MGAT3: variants seen among roughly 807,000 people sequenced by gnomAD.
MGAT3 encodes beta-1,4-mannosyl-glycoprotein 4-beta-N-acetylglucosaminyltransferase.
MGAT3 carries 9 observed loss-of-function variants against 29.8 expected under a neutral mutation model. That is an observed-to-expected ratio of 0.30 (90% CI 0.18 to 0.53). The LOEUF (loss-of-function observed/expected upper bound fraction) is 0.53. MGAT3 is among the 20% of genes least tolerant of loss of function. MGAT3 has a pLI of 0.96. For synonymous variants in MGAT3, 397 were observed against 348.9 expected, an observed-to-expected ratio of 1.14 and a Z score of -1.54; for missense variants, 557 against 769.5, an observed-to-expected ratio of 0.72 and a Z score of 3.27.
intron 1 of MGAT3, among the ~76,000 whole-genome samples, chr22:39,483,199 A>G (rs944872190): frequency 6.6e-6 from 1 of 152,320 alleles, no homozygotes. Flanking sequence ...AAGTACAGAA[A>G]AATAGCCCAC....
At chr22:39,474,459 G>T (rs976900718) in intron 1 of MGAT3, among the ~76,000 whole-genome samples, 2 of 152,220 alleles carry the variant, frequency 1.3e-5, no homozygotes, top group Non-Finnish European at 2.9e-5. Context: ...CTTGCCAGCT[G>T]CGAGTTTGAG....
chr22:39,465,467 G>A (rs1014237691), intron 1 of MGAT3, among the ~76,000 whole-genome samples: 3 of 152,188 alleles, frequency 2.0e-5, no homozygotes, highest in South Asian at 2.1e-4. Flanking sequence ...GGCATTCAGT[G>A]AAACCATGTG....
chr22:39,461,160 A>G (rs1928486965), intron 1 of MGAT3, among the ~76,000 whole-genome samples: 2 of 152,164 alleles, frequency 1.3e-5, no homozygotes, highest in Admixed American at 6.5e-5. Context: ...ATGGCCTAAC[A>G]AGAGTGTCAT....
rs1929360593 is a variant in MGAT3 at position 39,488,634 on chromosome 22, C to T, written c.1287C>T (p.Tyr429=). ...GGTGCTTCACGCCCGAGGGCATCTACTTCAAGCTCGTGTCCGCCCAGAATG... is the reference window on the plus strand; with the variant it reads ...GGTGCTTCACGCCCGAGGGCATCTATTTCAAGCTCGTGTCCGCCCAGAATG... ...CSWCFTPEGI[Y]FKLVSAQNGD... Residue 429 remains tyrosine (Y), a synonymous_variant, in exon 2 of 2, where the codon TAC becomes TAT. Transcript: ENST00000341184. The T allele has an allele frequency of 6.2e-7, 1 of 1,613,596 alleles. No homozygotes were observed. Among genetic ancestry groups the T allele is most frequent in the Non-Finnish European group, 8.5e-7 (1 of 1,180,014 alleles).
At chr22:39,465,044 C>G (rs1423999034) in intron 1 of MGAT3, among the ~76,000 whole-genome samples, 1 of 152,178 alleles carries the variant, frequency 6.6e-6, no homozygotes, top group Non-Finnish European at 1.5e-5. Context: ...CATGAGCCAC[C>G]ACGCCCGGCC....
At chr22:39,468,946 G>T (rs1347404924) in intron 1 of MGAT3, among the ~76,000 whole-genome samples, 1 of 152,006 alleles carries the variant, frequency 6.6e-6, no homozygotes, top group Non-Finnish European at 1.5e-5. Context: ...ACTTTCTCCT[G>T]AGGGCAGCGG....
chr22:39,467,640 T>TTCTTC (rs1034918428), intron 1 of MGAT3, among the ~76,000 whole-genome samples: 5 of 151,904 alleles, frequency 3.3e-5, no homozygotes, highest in African/African-American at 1.2e-4. Context: ...GCTTCCTTCT[T>TTCTTC]TTTTCTTTTC....
chr22:39,471,911 C>A (rs1928822128), intron 1 of MGAT3, among the ~76,000 whole-genome samples: 1 of 152,152 alleles, frequency 6.6e-6, no homozygotes, highest in Non-Finnish European at 1.5e-5. Context: ...AACTCCTGAG[C>A]AGGCTGGGCT....
intron 1 of MGAT3, among the ~76,000 whole-genome samples, chr22:39,466,063 G>A (rs1928637138): frequency 6.6e-6 from 1 of 152,224 alleles, no homozygotes; most frequent in Non-Finnish European, 1.5e-5. Flanking sequence ...TGCGAGGAAG[G>A]CCCAGTCAGA....
intron 1 of MGAT3, among the ~76,000 whole-genome samples, chr22:39,459,222 C>T: frequency 6.6e-6 from 1 of 152,062 alleles, no homozygotes. Context: ...CACAGGTGCC[C>T]GACACCACAC....
chr22:39,482,358 C>A (rs1929151567), intron 1 of MGAT3, among the ~76,000 whole-genome samples: 1 of 152,164 alleles, frequency 6.6e-6, no homozygotes, highest in African/African-American at 2.4e-5. Context: ...TGGCTTTAGC[C>A]CACAGCTGGG....
chr22:39,466,750 G>A (rs147034326), intron 1 of MGAT3, among the ~76,000 whole-genome samples: 1 of 152,352 alleles, frequency 6.6e-6, no homozygotes, highest in Non-Finnish European at 1.5e-5. Context: ...CCTGTTGGCT[G>A]ATGTTGTTAC....
In MGAT3 at chr22:39,487,936, G is replaced by A; in HGVS notation, c.589G>A (p.Glu197Lys). 6.2e-7 allele frequency: 1 copy of A among 1,609,224 alleles called. No individual in the cohort carries two copies. Among genetic ancestry groups the A allele is most frequent in the Non-Finnish European group, 8.5e-7 (1 of 1,178,528 alleles). ...GCAGTACTCCAACCTGCCCACCAAG[G>A]AGCGGCTGGTGCCCAGGGAGGTGCC... ...VVQYSNLPTK[E>K]RLVPREVPRR... The change falls in exon 2 of 2, where the codon GAG (glutamate) becomes AAG (lysine). Residue 197 changes from glutamate (E) to lysine (K), a missense_variant. Physicochemically the swap from Glu to Lys is moderately conservative, Grantham distance 56 (BLOSUM62 1). Coordinates refer to ENST00000341184, the MANE Select transcript of MGAT3 (RefSeq NM_002409.5). The surrounding 1 kb of genome is among the most constrained non-coding windows in gnomAD (Gnocchi z 5.7).
chr22:39,485,810 AAC>A lies in MGAT3; in HGVS notation c.-1-1531_-1-1530del, dbSNP rs1462080767. On this transcript the variant is annotated intron_variant, in intron 1 of 1. Transcript: ENST00000341184. ...TCTTAAAAACAAACAAACAAACAAA[AAC>A]ACACAAAAAAAATTTAAATTGGAGA... Among the ~76,000 whole-genome samples the A allele has an allele frequency of 5.3e-5, 8 of 152,202 alleles. No individual in the cohort carries two copies. In the East Asian group the frequency reaches 1.2e-3, roughly 22 times the overall value.
At chr22:39,464,803 T>G (rs945737504) in intron 1 of MGAT3, among the ~76,000 whole-genome samples, 3 of 151,756 alleles carry the variant, frequency 2.0e-5, no homozygotes, top group Non-Finnish European at 2.9e-5. Flanking sequence ...CAGGCTGGAG[T>G]GCAGTGGCAT....
chr22:39,470,936 C>A lies in MGAT3; in HGVS notation c.-2+13379C>A, dbSNP rs537378161. On this transcript the variant is annotated intron_variant, in intron 1 of 1. Coordinates refer to ENST00000341184, the MANE Select transcript of MGAT3 (RefSeq NM_002409.5). The stretch of plus-strand genomic sequence containing the variant: ...AGCTATGGCCCCAAAGCAGCCCTCG[C>A]CCCACGCTGACTCCTGAGAGATTGG... 9.8e-5 allele frequency among the ~76,000 whole-genome samples: 15 copies of A among 152,320 alleles called. 1 individual carries two copies. In the South Asian group the frequency reaches 3.1e-3, roughly 32 times the overall value.
At chr22:39,485,711 C>G (rs1246596621) in intron 1 of MGAT3, among the ~76,000 whole-genome samples, 1 of 152,076 alleles carries the variant, frequency 6.6e-6, no homozygotes. Flanking sequence ...ATTCCTTGAA[C>G]CTGGGAGGCA....
chr22:39,465,913 C>T lies in MGAT3; in HGVS notation c.-2+8356C>T, dbSNP rs1462625792. 8.4e-5 allele frequency among the ~76,000 whole-genome samples: 12 copies of T among 143,142 alleles called. No individual in the cohort carries two copies. The Admixed American group carries it at 8.7e-4, about 10-fold the overall frequency. The allele number at this position is 143,142 out of a possible 152,430, so 93.9% of individuals were successfully genotyped here. ...TGCCACTGCACTCCAACCTGGGTGA[C>T]AGAGTGAGACTCCGTCTTAAAAAAA... On this transcript the variant is annotated intron_variant, in intron 1 of 1. Coordinates refer to ENST00000341184, the MANE Select transcript of MGAT3 (RefSeq NM_002409.5).
In MGAT3 at chr22:39,488,012, A is replaced by G. The variant is rs771902746; in HGVS notation, c.665A>G (p.Asp222Gly). Residue 222 changes from aspartate to glycine, a missense_variant, in exon 2 of 2, where the codon GAC becomes GGC. By Grantham distance (94) the Asp-to-Gly change is moderately conservative. Transcript: ENST00000341184. ...INVNHEFDLL[D>G]VRFHELGDVV... ...GTCAACCACGAGTTCGACCTGCTGG[A>G]CGTGCGCTTCCACGAGCTGGGCGAC... 8 of 1,613,176 alleles carry G rather than the reference A, an allele frequency of 5.0e-6. No homozygotes were observed. In the South Asian group the frequency reaches 8.8e-5, roughly 18 times the overall value.
Sources: gnomAD v4.1 joint callset for allele counts (sites outside exome capture counted in the v4.1 genomes callset) on GRCh38, gnomAD v4.1.1 for gene constraint, Gnocchi (gnomAD v3.1) non-coding constraint, MANE v1.5 for transcripts, NCBI Gene and HGNC (gene_info 2026-07-23, HGNC 2026-07-21) for gene names.